CCT8: variants seen among roughly 807,000 people sequenced by gnomAD.
CCT8 encodes T-complex protein 1 subunit theta.
In CCT8, 10 loss-of-function variants were observed where a neutral mutation model predicts 65.7. The ratio of observed to expected loss-of-function variants is 0.15; its 90% CI spans 0.09 to 0.26. CCT8 has a LOEUF of 0.26. CCT8 is among the 10% of genes least tolerant of loss of function. CCT8 has a pLI of 1.00. For synonymous variants in CCT8, 199 were observed against 221.8 expected (o/e 0.90, Z 0.92); for missense variants, 568 against 669.1 (o/e 0.85, Z 1.67).
At chr21:29,063,563 C>G (rs543161940) in intron 7 of CCT8, 33 bp from the exon 8 acceptor site, 1 of 1,599,170 alleles carries the variant, frequency 6.3e-7, no homozygotes, top group Non-Finnish European at 8.5e-7. Context: ...CCTTTAAAAT[C>G]ATTTCACTAC....
chr21:29,067,020 T>G lies in CCT8; in HGVS notation c.433A>C (p.Asn145His), dbSNP rs770034295. The G allele has an allele frequency of 3.1e-6, 5 of 1,613,374 alleles. No individual in the cohort carries two copies. The highest frequency in any genetic ancestry group is 1.3e-5 in the African/African-American group (1 of 74,892). The stretch of plus-strand genomic sequence containing the variant: ...TTTTTTGCAGAACAACATACCAAAT[T>G]AGGAAGAATCTCATGAGCTTTTCTG... ...ACRKAHEILP[N>H]LVCCSAKNLR... The change falls in exon 5 of 15, where the codon AAT becomes CAT. Residue 145 changes from asparagine to histidine, a missense_variant. Physicochemically the swap from Asn to His is moderately conservative, Grantham distance 68. Coordinates refer to ENST00000286788, the MANE Select transcript of CCT8 (RefSeq NM_006585.4).
At chr21:29,059,184 T>C (rs1186740678) in intron 14 of CCT8, among the ~76,000 whole-genome samples, 1 of 152,244 alleles carries the variant, frequency 6.6e-6, no homozygotes, top group Non-Finnish European at 1.5e-5. Context: ...ATCCAGTCCG[T>C]ACTACACTAT....
chr21:29,066,135 C>A (rs1178404898), intron 6 of CCT8, among the ~76,000 whole-genome samples: 1 of 151,318 alleles, frequency 6.6e-6, no homozygotes, highest in African/African-American at 2.4e-5. Flanking sequence ...TTCTTAAACC[C>A]ACAAGACATC....
chr21:29,073,538 C>T lies in CCT8; in HGVS notation c.53G>A (p.Gly18Glu), dbSNP rs2085707929. The T allele has an allele frequency of 6.2e-7, 1 of 1,614,040 alleles. No individual in the cohort carries two copies. The highest frequency in any genetic ancestry group is 1.3e-5 in the African/African-American group (1 of 74,934). The change falls in exon 1 of 15, where the codon GGA becomes GAA. Residue 18 changes from glycine to glutamate, a missense_variant. Physicochemically the swap from Gly to Glu is moderately conservative, Grantham distance 98. Coordinates refer to ENST00000286788, the MANE Select transcript of CCT8 (RefSeq NM_006585.4). ...CTTTCCTTCAGCCCTTACTTTCGCT[C>T]CCTCCTTGAGCATCTGGGCAAAGCC... ...APGFAQMLKEGAKHFSGLEEA... is the reference protein window; with the variant it reads ...APGFAQMLKEEAKHFSGLEEA...
At chr21:29,061,232 G>A (rs775136109) in intron 13 of CCT8, 21 bp downstream of exon 13, 1 of 1,584,774 alleles carries the variant, frequency 6.3e-7, no homozygotes, top group Non-Finnish European at 8.7e-7. Context: ...AGCAATTTAA[G>A]TTCAGTGTTT....
Position 29,056,350 on chromosome 21 carries a change from A to G in CCT8, c.*125T>C, listed in dbSNP as rs183564802. On this transcript the variant is annotated 3_prime_UTR_variant, in exon 15 of 15. Transcript: ENST00000286788. ...CTTTGACAGTAACAATATGTTTATT[A>G]TAACATCCAGCCAAGAATACAAACA... 6.5e-5 allele frequency: 32 copies of G among 493,958 alleles called. No homozygotes were observed. The highest frequency in any genetic ancestry group is 9.4e-5 in the Non-Finnish European group (27 of 287,690). 30.6% of individuals were successfully genotyped at this position (493,958 alleles called of 1,614,324 possible).
intron 3 of CCT8, among the ~76,000 whole-genome samples, chr21:29,068,146 TAAAGA>T (rs1568914785): frequency 6.6e-6 from 1 of 152,224 alleles, no homozygotes; most frequent in African/African-American, 2.4e-5. Flanking sequence ...ATTTGTGATT[TAAAGA>T]AAAGGGGGAG....
chr21:29,072,222 C>T (rs1403012552), intron 1 of CCT8: 1 of 449,752 alleles, frequency 2.2e-6, no homozygotes, highest in East Asian at 3.6e-5. Flanking sequence ...TACCTCCTGT[C>T]ATCCTCTACT....
intron 14 of CCT8, 90 bp downstream of exon 14, chr21:29,060,451 G>T: frequency 7.4e-7 from 1 of 1,343,868 alleles, no homozygotes; most frequent in South Asian, 1.3e-5. Context: ...CTTTGAATTA[G>T]AACTATGCTA....
rs1395355908 is a variant in CCT8 at position 29,061,435 on chromosome 21, TA to T, written c.1285-19del. 1.9e-6 allele frequency: 3 copies of T among 1,613,912 alleles called. No individual in the cohort carries two copies. The highest frequency in any genetic ancestry group is 2.5e-6 in the Non-Finnish European group (3 of 1,179,830). On this transcript the variant is annotated intron_variant, in intron 12 of 14. Transcript: ENST00000286788. ...GGACATGTCTAAAACAAAAATGCGT[TA>T]ATTACTGTCTTTTATTCAAGCAATG...
Position 29,061,513 on chromosome 21 carries a change from T to A in CCT8, c.1267A>T (p.Ile423Phe). 1 of 1,614,064 alleles carries A rather than the reference T, an allele frequency of 6.2e-7. No homozygotes were observed. ...AGCTGTACCTCTCCATATGATGTGATCTGTTTGGCTAATTCAATTTCTGTT... is the reference window on the plus strand; with the variant it reads ...AGCTGTACCTCTCCATATGATGTGAACTGTTTGGCTAATTCAATTTCTGTT... ...GATEIELAKQITSYGETCPGL... is the reference protein window; with the variant it reads ...GATEIELAKQFTSYGETCPGL... Residue 423 changes from isoleucine (I) to phenylalanine (F), a missense_variant, in exon 12 of 15, where the codon ATC becomes TTC. Transcript: ENST00000286788.
At chr21:29,062,729 C>G in intron 8 of CCT8, 173 bp from the exon 9 acceptor site, 1 of 617,840 alleles carries the variant, frequency 1.6e-6, no homozygotes, top group Non-Finnish European at 2.8e-6. Flanking sequence ...GAAGCTGATT[C>G]CTGACTCTCT....
In CCT8 at chr21:29,065,076, C is replaced by T. The variant is rs777570949; in HGVS notation, c.654G>A (p.Leu218=). The T allele has an allele frequency of 1.2e-6, 2 of 1,613,960 alleles. No homozygotes were observed. Among genetic ancestry groups the T allele is most frequent in the Admixed American group, 3.3e-5 (2 of 60,022 alleles). The part of the protein sequence containing the change: ...LGSGISSSSV[L]HGMVFKKETE... Reference sequence around the variant, plus strand: ...TTTCCTTCTTAAAAACCATGCCATGCAATACTGAAGAGGAACTGATACCAG... The same window carrying T: ...TTTCCTTCTTAAAAACCATGCCATGTAATACTGAAGAGGAACTGATACCAG... The change falls in exon 7 of 15, where the codon TTG becomes TTA. Residue 218 remains leucine, a synonymous_variant. Transcript: ENST00000286788.
intron 3 of CCT8, among the ~76,000 whole-genome samples, chr21:29,068,873 CCT>C (rs1266618569): frequency 1.3e-5 from 2 of 152,116 alleles, no homozygotes; most frequent in African/African-American, 2.4e-5. Context: ...AGGAAAATTC[CCT>C]GAGGTTGAAT....
At chr21:29,056,600 T>A (rs758419786) in intron 14 of CCT8, 48 bp from the exon 15 acceptor site, 1 of 1,207,550 alleles carries the variant, frequency 8.3e-7, no homozygotes, top group Non-Finnish European at 1.1e-6. Context: ...ACTTAACCTT[T>A]AGAATGAAAA....
chr21:29,068,409 T>C (rs549888871), intron 3 of CCT8, among the ~76,000 whole-genome samples: 39 of 152,168 alleles, frequency 2.6e-4, no homozygotes, highest in Non-Finnish European at 5.0e-4. Context: ...TTTGTGGAGT[T>C]AAAATTTAAC....
At chr21:29,070,381 C>G (rs751846605) in intron 1 of CCT8, 44 bp from the exon 2 acceptor site, 1 of 1,235,980 alleles carries the variant, frequency 8.1e-7, no homozygotes, top group Non-Finnish European at 1.2e-6. Context: ...TTAGACAGGA[C>G]AGTGAAACAA....
At chr21:29,064,608 T>A (rs2085601277) in intron 7 of CCT8, among the ~76,000 whole-genome samples, 1 of 152,036 alleles carries the variant, frequency 6.6e-6, no homozygotes, top group South Asian at 2.1e-4. Context: ...AGAAACATAC[T>A]TACCATTTTC....
At chr21:29,057,874 C>G (rs1185934203) in intron 14 of CCT8, among the ~76,000 whole-genome samples, 1 of 151,216 alleles carries the variant, frequency 6.6e-6, no homozygotes, top group African/African-American at 2.4e-5. Flanking sequence ...TCTCAGCCAA[C>G]CATGACAGCA....
Sources: allele counts gnomAD v4.1 joint callset (sites outside exome capture counted in the v4.1 genomes callset), GRCh38; gene constraint gnomAD v4.1.1; transcripts MANE v1.5; gene names NCBI Gene and HGNC (gene_info 2026-07-23, HGNC 2026-07-21).